The following NBEA variants were observed in gnomAD, a reference collection of about 807,000 sequenced individuals.
NBEA encodes neurobeachin, also known as lysosomal-trafficking regulator 2.
A neutral mutation model predicts 343.4 loss-of-function variants in NBEA; 44 were observed. That is an observed-to-expected ratio of 0.13 (90% CI 0.10 to 0.16). NBEA has a LOEUF of 0.16. NBEA is among the 10% of genes least tolerant of loss of function. The probability of loss-of-function intolerance (pLI) is 1.00; values close to 1 mark genes in which losing one functional copy is unlikely to be tolerated. For missense variants in NBEA, 2,555 were observed against 3,631.3 expected (o/e 0.70, Z 7.62); for synonymous variants, 1,175 against 1,238.7 (o/e 0.95, Z 1.08).
At chr13:35,055,903 A>G (rs758640834) in intron 6 of NBEA, 107 bp from the exon 7 acceptor site, 5 of 844,060 alleles carry the variant, frequency 5.9e-6, no homozygotes, top group Non-Finnish European at 8.3e-6. Context: ...ATGATCCTTA[A>G]TAGTCCTGTC....
intron 34 of NBEA, among the ~76,000 whole-genome samples, chr13:35,281,029 A>T (rs2035017322): frequency 6.6e-6 from 1 of 152,040 alleles, no homozygotes; most frequent in Non-Finnish European, 1.5e-5. Context: ...TGTAATATAG[A>T]ACTTGACTCT....
intron 41 of NBEA, among the ~76,000 whole-genome samples, chr13:35,521,343 A>C (rs2077704487): frequency 6.6e-6 from 1 of 152,188 alleles, no homozygotes; most frequent in African/African-American, 2.4e-5. Context: ...CACAGGTTCT[A>C]ATTCTGATTC....
Position 35,606,507 on chromosome 13 carries a change from G to A in NBEA, c.7378G>A (p.Val2460Ile), listed in dbSNP as rs755750586. ...GYNLGVREDE[V>I]VVNDVDLPPW... Reference sequence around the variant, plus strand: ...TAATCTTGGAGTCAGAGAAGATGAAGTAGTGGTAAATGATGTTGATCTTCC... The same window carrying A: ...TAATCTTGGAGTCAGAGAAGATGAAATAGTGGTAAATGATGTTGATCTTCC... The change falls in exon 48 of 59, where the codon GTA becomes ATA. Residue 2460 changes from valine (V) to isoleucine (I), a missense_variant. This residue lies in a region of NBEA where 156 missense variants were observed against 185.8 expected (regional missense o/e 0.84). Coordinates refer to ENST00000379939, the MANE Select transcript of NBEA (RefSeq NM_001385012.1). 1 of 1,606,962 alleles carries A rather than the reference G, an allele frequency of 6.2e-7. No homozygotes were observed. Among genetic ancestry groups the A allele is most frequent in the South Asian group, 1.1e-5 (1 of 89,950 alleles).
intron 46 of NBEA, 32 bp downstream of exon 46, chr13:35,584,070 G>T: frequency 3.8e-6 from 6 of 1,598,210 alleles, no homozygotes; most frequent in Non-Finnish European, 5.1e-6. Flanking sequence ...GCTTGCCTTT[G>T]GTACCTTAAA....
At chr13:35,459,822 G>A (rs2046807369) in intron 40 of NBEA, among the ~76,000 whole-genome samples, 1 of 152,152 alleles carries the variant, frequency 6.6e-6, no homozygotes, top group South Asian at 2.1e-4. Flanking sequence ...AAAGCTAAGA[G>A]TTTGTCTAAG....
intron 1 of NBEA, among the ~76,000 whole-genome samples, chr13:35,022,573 C>T (rs1167154006): frequency 6.6e-6 from 1 of 151,994 alleles, no homozygotes; most frequent in Non-Finnish European, 1.5e-5. Flanking sequence ...ATTTACTAAA[C>T]AATTATCTAA....
chr13:35,503,127 T>C (rs1308326587), intron 41 of NBEA, among the ~76,000 whole-genome samples: 1 of 151,960 alleles, frequency 6.6e-6, no homozygotes, highest in Non-Finnish European at 1.5e-5. Flanking sequence ...TCAGTCTTTA[T>C]TTTTTTCCTT....
intron 34 of NBEA, among the ~76,000 whole-genome samples, chr13:35,233,573 G>T (rs558412169): frequency 6.6e-6 from 1 of 152,210 alleles, no homozygotes; most frequent in African/African-American, 2.4e-5. Context: ...TAGGGTTCTT[G>T]TGAAGATTAA....
chr13:35,624,383 T>G (rs1257570547), intron 48 of NBEA, among the ~76,000 whole-genome samples: 1 of 152,122 alleles, frequency 6.6e-6, no homozygotes, highest in African/African-American at 2.4e-5. Context: ...GATAAAACTT[T>G]TATGGAGAAA....
At chr13:35,384,921 A>G (rs1457492103) in intron 38 of NBEA, among the ~76,000 whole-genome samples, 1 of 152,222 alleles carries the variant, frequency 6.6e-6, no homozygotes, top group Non-Finnish European at 1.5e-5. Flanking sequence ...ATTGTTAATT[A>G]CAAGTTCAGC....
chr13:35,107,893 G>GC (rs536812056), intron 11 of NBEA, among the ~76,000 whole-genome samples: 6 of 152,052 alleles, frequency 3.9e-5, no homozygotes, highest in Non-Finnish European at 7.4e-5. Context: ...GTAGGACTCA[G>GC]CAAAGAGGTT....
intron 34 of NBEA, among the ~76,000 whole-genome samples, chr13:35,260,051 T>C (rs2033069409): frequency 6.6e-6 from 1 of 152,242 alleles, no homozygotes; most frequent in Admixed American, 6.5e-5. Context: ...ATCTTTAATA[T>C]CTGTAACATA....
At chr13:35,366,637 C>G (rs1385728981) in intron 38 of NBEA, among the ~76,000 whole-genome samples, 1 of 150,560 alleles carries the variant, frequency 6.6e-6, no homozygotes, top group Non-Finnish European at 1.5e-5. Context: ...TATAATTCCT[C>G]AAACATAAAT....
At chr13:35,423,960 T>C (rs1414461076) in intron 38 of NBEA, among the ~76,000 whole-genome samples, 6 of 152,196 alleles carry the variant, frequency 3.9e-5, no homozygotes, top group Admixed American at 3.3e-4. Context: ...TTGTCTGTTA[T>C]TGGTGTGTAA....
At chr13:35,643,102 T>C (rs2084044784) in intron 49 of NBEA, among the ~76,000 whole-genome samples, 1 of 149,476 alleles carries the variant, frequency 6.7e-6, no homozygotes, top group Non-Finnish European at 1.5e-5. Flanking sequence ...TTTTTTTTTT[T>C]AACTTGATAT....
chr13:35,646,182 C>G, intron 50 of NBEA, 77 bp from the exon 51 acceptor site: 1 of 1,131,658 alleles, frequency 8.8e-7, no homozygotes, highest in Non-Finnish European at 1.3e-6. Flanking sequence ...TTGGGATACA[C>G]TTGCGTTGTC....
intron 29 of NBEA, among the ~76,000 whole-genome samples, chr13:35,182,834 C>CT (rs1303995539): frequency 6.6e-6 from 1 of 151,698 alleles, no homozygotes; most frequent in Admixed American, 6.6e-5. Context: ...AAATATATTA[C>CT]TTTTTTAACA....
At chr13:35,330,386 C>T (rs1001876515) in intron 36 of NBEA, among the ~76,000 whole-genome samples, 2 of 151,958 alleles carry the variant, frequency 1.3e-5, no homozygotes, top group African/African-American at 2.4e-5. Context: ...TCTGGACAAT[C>T]GTGAGGAAAA....
chr13:35,198,064 T>C (rs139516481), intron 31 of NBEA, among the ~76,000 whole-genome samples: 245 of 152,320 alleles, frequency 1.6e-3, no homozygotes, highest in Non-Finnish European at 6.0e-4. Flanking sequence ...CTATAAAATG[T>C]AAGAAATATT....
Sources: gnomAD v4.1 joint callset for allele counts (sites outside exome capture counted in the v4.1 genomes callset) on GRCh38, gnomAD v4.1.1 for gene constraint, gnomAD v4.1.1 regional missense constraint, MANE v1.5 for transcripts, NCBI Gene and HGNC (gene_info 2026-07-23, HGNC 2026-07-21) for gene names.